The following BCOR variants were observed in gnomAD, a reference collection of about 807,000 sequenced individuals.
BCOR encodes BCL-6 corepressor.
In BCOR, 10 loss-of-function variants were observed where a neutral mutation model predicts 86.7. That is an observed-to-expected ratio of 0.12 (90% confidence interval 0.07 to 0.20). The LOEUF (loss-of-function observed/expected upper bound fraction) is 0.20. Among genes scored for constraint, BCOR ranks in the 10% least tolerant of loss-of-function variants. The pLI, the probability that BCOR is intolerant of heterozygous loss-of-function variation, is 1.00. For synonymous variants in BCOR, 611 were observed against 609.0 expected (o/e 1.00, Z -0.05); for missense variants, 1,259 against 1,452.1 (o/e 0.87, Z 2.16).
At chrX:40,067,124 G>T (rs1260019465) in intron 6 of BCOR, among the ~76,000 whole-genome samples, 2 of 112,006 alleles carry the variant, frequency 1.8e-5, no homozygotes, top group African/African-American at 6.5e-5. Context: ...CTTCCTAATA[G>T]TGAAATGAGT....
In BCOR at chrX:40,062,217, C is replaced by T. The variant is rs771497199; in HGVS notation, c.4350G>A (p.Pro1450=). The change falls in exon 10 of 15, where the codon CCG becomes CCA. Residue 1450 remains proline, a synonymous_variant. Transcript: ENST00000378444. ...PQETTQSRPM[P]PEARRLIVNK... ...TGACAATAAGTCTCCGTGCTTCCGG[C>T]GGCATAGGGCGAGACTGGGTGGTCT... 15 of 1,207,904 alleles carry T rather than the reference C, an allele frequency of 1.2e-5. No individual in the cohort carries two copies. In the South Asian group the frequency reaches 1.2e-4, roughly 10 times the overall value.
chrX:40,092,994 T>C (rs1336882678), intron 1 of BCOR, among the ~76,000 whole-genome samples: 1 of 112,444 alleles, frequency 8.9e-6, no homozygotes, highest in Non-Finnish European at 1.9e-5. Flanking sequence ...TGTATGCATA[T>C]GAATGCTTTT....
intron 10 of BCOR, among the ~76,000 whole-genome samples, chrX:40,057,534 T>A (rs1415029532): frequency 8.9e-6 from 1 of 111,850 alleles, no homozygotes; most frequent in Non-Finnish European, 1.9e-5. Context: ...CCCAGCTGCC[T>A]GGCCCTGGGC....
chrX:40,164,608 T>C (rs964107611), intron 1 of BCOR, among the ~76,000 whole-genome samples: 2 of 111,522 alleles, frequency 1.8e-5, no homozygotes, highest in South Asian at 3.8e-4. Context: ...CTGACCTACA[T>C]TGGCTGCACA....
At chrX:40,175,490 CGA>C (rs1938726039) in intron 1 of BCOR, among the ~76,000 whole-genome samples, 1 of 113,414 alleles carries the variant, frequency 8.8e-6, no homozygotes, top group South Asian at 3.5e-4. Flanking sequence ...TGTGCGCACA[CGA>C]GAGGTGAAGG....
At chrX:40,158,686 GC>G (rs781580854) in intron 1 of BCOR, among the ~76,000 whole-genome samples, 1 of 113,116 alleles carries the variant, frequency 8.8e-6, no homozygotes, top group South Asian at 3.6e-4. Context: ...GGGGTGGGGG[GC>G]GAGGCCTACC....
intron 1 of BCOR, among the ~76,000 whole-genome samples, chrX:40,164,110 C>T (rs1938470028): frequency 1.8e-5 from 2 of 111,897 alleles, no homozygotes; most frequent in Non-Finnish European, 3.8e-5. Flanking sequence ...CGATTTGTAA[C>T]TTAAAGTCCT....
chrX:40,084,497 T>A (rs1936257808), intron 1 of BCOR, among the ~76,000 whole-genome samples: 1 of 111,695 alleles, frequency 9.0e-6, no homozygotes, highest in Non-Finnish European at 1.9e-5. Flanking sequence ...CAGGAATCCC[T>A]CCTTACTATC....
rs1028687359 is a variant in BCOR at position 40,151,908 on chromosome X, T to A, written c.-41+25099A>T. ...GAGCGCGCCTGGTGTTTACACACTG[T>A]CCTTTCGACGTGAGATCAAGTTTCA... On this transcript the variant is annotated intron_variant, in intron 1 of 14. Transcript: ENST00000342274. 3.6e-5 allele frequency among the ~76,000 whole-genome samples: 4 copies of A among 111,930 alleles called. No individual in the cohort carries two copies. In the Admixed American group the frequency reaches 3.7e-4, roughly 10 times the overall value.
At chrX:40,092,134 G>C (rs1222264636) in intron 1 of BCOR, among the ~76,000 whole-genome samples, 1 of 111,867 alleles carries the variant, frequency 8.9e-6, no homozygotes, top group Non-Finnish European at 1.9e-5. Flanking sequence ...GCGCCTCTCC[G>C]GGTCCGCCGG....
intron 1 of BCOR, among the ~76,000 whole-genome samples, chrX:40,078,820 A>G (rs1453652745): frequency 1.1e-4 from 10 of 94,043 alleles, no homozygotes; most frequent in Non-Finnish European, 1.9e-4. Flanking sequence ...TCAGACCACC[A>G]CCCACCCCCC....
chrX:40,158,303 C>T lies in BCOR; in HGVS notation c.-41+18704G>A, dbSNP rs759579563. Among the ~76,000 whole-genome samples, 170 of 112,393 alleles carry T rather than the reference C, an allele frequency of 1.5e-3. 2 individuals carry two copies. The highest frequency in any genetic ancestry group is 9.7e-3 in the Admixed American group (105 of 10,796). On this transcript the variant is annotated intron_variant, in intron 1 of 14. Coordinates refer to the BCOR transcript ENST00000342274. ...ACACGGGGCTGTCGCCGCTTCTCCCCCGGACGCGGGCGGCTGCGCACCGGC... is the reference window on the plus strand; with the variant it reads ...ACACGGGGCTGTCGCCGCTTCTCCCTCGGACGCGGGCGGCTGCGCACCGGC...
intron 6 of BCOR, 24 bp downstream of exon 6, chrX:40,070,949 A>AAGT: frequency 8.3e-7 from 1 of 1,205,742 alleles, no homozygotes; most frequent in Non-Finnish European, 1.1e-6. Flanking sequence ...GGCCAACACA[A>AAGT]GCAAACTGCT....
chrX:40,113,047 T>C (rs1374651866), intron 1 of BCOR, among the ~76,000 whole-genome samples: 1 of 105,161 alleles, frequency 9.5e-6, no homozygotes, highest in East Asian at 2.9e-4. Context: ...TCTTCCCATT[T>C]TCCTACATCC....
chrX:40,053,690 C>T (rs1290900963), intron 14 of BCOR, 196 bp downstream of exon 14: 18 of 485,579 alleles, frequency 3.7e-5, no homozygotes, highest in Non-Finnish European at 7.1e-6. Flanking sequence ...ATGCTGTGCC[C>T]CACCCCCCAC....
chrX:40,070,481 CT>C (rs1390530751), intron 6 of BCOR, among the ~76,000 whole-genome samples: 8 of 111,811 alleles, frequency 7.2e-5, no homozygotes, highest in African/African-American at 2.6e-4. Context: ...GAAGAGCCCC[CT>C]CATGCATGCC....
chrX:40,126,546 A>G (rs1937546575), intron 1 of BCOR, among the ~76,000 whole-genome samples: 1 of 110,571 alleles, frequency 9.0e-6, no homozygotes, highest in African/African-American at 3.3e-5. Flanking sequence ...AAGAAAAGAA[A>G]AGAAAAAAAA....
rs1936974284 is a variant in BCOR, at chrX:40,097,936, C to T, written c.-762G>A. ...GGAGCGCAGCTCTGCCTCACCTTGC[C>T]GCTGGGAGCCCAGGCTCCGTCTGCC... On this transcript the variant is annotated 5_prime_UTR_variant, in exon 1 of 15. Transcript: ENST00000378444. Among the ~76,000 whole-genome samples, 1 of 111,057 alleles carries T rather than the reference C, an allele frequency of 9.0e-6. No individual in the cohort carries two copies. The highest frequency in any genetic ancestry group is 1.9e-5 in the Non-Finnish European group (1 of 52,548).
Position 40,074,052 on chromosome X carries a change from C to T in BCOR, c.1294G>A (p.Val432Ile), listed in dbSNP as rs774884449. 1.2e-5 allele frequency: 15 copies of T among 1,210,838 alleles called. No homozygotes were observed. Among genetic ancestry groups the T allele is most frequent in the East Asian group, 5.9e-5 (2 of 33,788 alleles). Residue 432 changes from valine (V) to isoleucine (I), a missense_variant, in exon 4 of 15, where the codon GTT becomes ATT. By Grantham distance (29) the Val-to-Ile change is conservative. Around this residue, in one of 7 missense-constraint regions of BCOR, gnomAD observed 534 missense variants for 594.8 expected, o/e 0.90. Coordinates refer to ENST00000378444, the MANE Select transcript of BCOR (RefSeq NM_001123385.2). ...GGCTTATCTGTGACGTCTTTGGTAA[C>T]GGTCTGCTTCTCCAACAGAGGAGGT... ...SSPPLLEKQT[V>I]TKDVTDKPLD...
Sources: allele counts gnomAD v4.1 joint callset (sites outside exome capture counted in the v4.1 genomes callset), GRCh38; gene constraint gnomAD v4.1.1; regional missense constraint gnomAD v4.1.1; transcripts MANE v1.5; gene names NCBI Gene and HGNC (gene_info 2026-07-23, HGNC 2026-07-21).